Variants in CORIN observed in about 807,000 individuals in gnomAD.
CORIN encodes the protein corin, serine peptidase.
CORIN carries 117 observed loss-of-function variants against 125.3 expected under a neutral mutation model. That is an observed-to-expected ratio of 0.93 (90% CI 0.80 to 1.09). The LOEUF is 1.09. Ranked by LOEUF, CORIN falls within the 50% of genes least tolerant of loss-of-function variation. The pLI, the probability that CORIN is intolerant of heterozygous loss-of-function variation, is 0.00. For synonymous variants in CORIN, 450 were observed against 466.4 expected, an observed-to-expected ratio of 0.96 and a Z score of 0.45; for missense variants, 1,253 against 1,306.7, an observed-to-expected ratio of 0.96 and a Z score of 0.63.
intron 16 of CORIN, among the ~76,000 whole-genome samples, chr4:47,627,360 A>G (rs574357881): frequency 6.6e-6 from 1 of 152,282 alleles, no homozygotes; most frequent in South Asian, 2.1e-4. Flanking sequence ...TCATACTTTT[A>G]AAAAGGCAAG....
chr4:47,782,925 C>T (rs1295893902), intron 3 of CORIN, among the ~76,000 whole-genome samples: 1 of 145,522 alleles, frequency 6.9e-6, no homozygotes, highest in Non-Finnish European at 1.5e-5. Flanking sequence ...GGGAATATGC[C>T]TTTTTTTTTT....
At chr4:47,735,965 A>G (rs1728115340) in intron 5 of CORIN, among the ~76,000 whole-genome samples, 2 of 149,972 alleles carry the variant, frequency 1.3e-5, no homozygotes, top group Admixed American at 1.3e-4. Context: ...AAAAAAAAAA[A>G]GAGGATACTA....
intron 21 of CORIN, 45 bp downstream of exon 21, chr4:47,600,169 G>T: frequency 6.4e-7 from 1 of 1,564,602 alleles, no homozygotes; most frequent in Non-Finnish European, 8.7e-7. Flanking sequence ...ATCCACTGAA[G>T]TTATTGTTGA....
intron 12 of CORIN, 57 bp downstream of exon 12, chr4:47,661,654 G>T: frequency 6.9e-7 from 1 of 1,443,508 alleles, no homozygotes; most frequent in Non-Finnish European, 9.4e-7. Flanking sequence ...AATTCAAAAG[G>T]TAGCTAACAT....
intron 7 of CORIN, 55 bp downstream of exon 7, chr4:47,683,676 G>T: frequency 7.6e-7 from 1 of 1,310,156 alleles, no homozygotes; most frequent in Non-Finnish European, 1.1e-6. Flanking sequence ...TAAGTTTTTG[G>T]TTATAAATTT....
At chr4:47,760,423 T>C (rs532972212) in intron 4 of CORIN, among the ~76,000 whole-genome samples, 1 of 152,198 alleles carries the variant, frequency 6.6e-6, no homozygotes, top group East Asian at 1.9e-4. Flanking sequence ...CCTTTCTCCA[T>C]TGAGTGTTCT....
Position 47,661,684 on chromosome 4 carries a change from C to T in CORIN, c.1735+27G>A, listed in dbSNP as rs372326959. 121 of 1,580,798 alleles carry T rather than the reference C, an allele frequency of 7.7e-5. No homozygotes were observed. The Middle Eastern group carries it at 8.4e-4, about 11-fold the overall frequency. ...TAACATGTTCATCCATGTTAGATAC[C>T]CTGCTGTAATTAATTTTAAAATTAA... On this transcript the variant is annotated intron_variant, in intron 12 of 21. Coordinates refer to ENST00000273857, the MANE Select transcript of CORIN (RefSeq NM_006587.4).
intron 1 of CORIN, among the ~76,000 whole-genome samples, chr4:47,834,045 G>A (rs1733230314): frequency 6.6e-6 from 1 of 152,098 alleles, no homozygotes; most frequent in Admixed American, 6.5e-5. Context: ...TATGATACCA[G>A]CATACAGTAT....
intron 16 of CORIN, among the ~76,000 whole-genome samples, chr4:47,641,116 T>C (rs1419283873): frequency 6.6e-6 from 1 of 152,196 alleles, no homozygotes; most frequent in African/African-American, 2.4e-5. Context: ...AACAAAAATG[T>C]GCTGCTAGTT....
intron 3 of CORIN, among the ~76,000 whole-genome samples, chr4:47,785,693 C>T (rs973141032): frequency 6.6e-6 from 1 of 151,980 alleles, no homozygotes; most frequent in Non-Finnish European, 1.5e-5. Flanking sequence ...GCGGGTGGAT[C>T]ATGAGGTTAG....
Position 47,643,219 on chromosome 4 carries a change from A to G in CORIN, c.1995T>C (p.His665=). The change falls in exon 15 of 22, where the codon CAT becomes CAC. Residue 665 remains histidine, a synonymous_variant. Coordinates refer to ENST00000273857, the MANE Select transcript of CORIN (RefSeq NM_006587.4). ...ACCACAGGTCACGTGACACACACGC[A>G]TGGTTTGCACATTCCAGCTCATCAT... is the stretch of plus-strand genomic sequence containing the variant. The part of the protein sequence containing the change: ...CQDDELECAN[H]ACVSRDLWCD... 1 of 1,613,652 alleles carries G rather than the reference A, an allele frequency of 6.2e-7. No individual in the cohort carries two copies. The highest frequency in any genetic ancestry group is 8.5e-7 in the Non-Finnish European group (1 of 1,179,848).
intron 3 of CORIN, among the ~76,000 whole-genome samples, chr4:47,780,470 C>T (rs947082192): frequency 6.6e-6 from 1 of 151,756 alleles, no homozygotes; most frequent in South Asian, 2.1e-4. Flanking sequence ...AAGAAGAAAT[C>T]AGAGTGAATA....
intron 4 of CORIN, among the ~76,000 whole-genome samples, chr4:47,755,327 T>C (rs1729086769): frequency 6.6e-6 from 1 of 152,220 alleles, no homozygotes; most frequent in Admixed American, 6.5e-5. Flanking sequence ...TTCCATCTCA[T>C]GGCCCAGAAA....
chr4:47,764,294 A>AG (rs1305167393), intron 3 of CORIN, among the ~76,000 whole-genome samples: 1 of 152,216 alleles, frequency 6.6e-6, no homozygotes, highest in Non-Finnish European at 1.5e-5. Flanking sequence ...AGCAGCTCAG[A>AG]GCCTCTGACA....
chr4:47,798,237 G>A (rs746738403), intron 2 of CORIN, among the ~76,000 whole-genome samples: 1 of 152,086 alleles, frequency 6.6e-6, no homozygotes, highest in African/African-American at 2.4e-5. Context: ...TTCAGAAATC[G>A]TTTTACCATC....
At chr4:47,637,363 G>A (rs1277431640) in intron 16 of CORIN, among the ~76,000 whole-genome samples, 2 of 152,132 alleles carry the variant, frequency 1.3e-5, no homozygotes, top group Non-Finnish European at 2.9e-5. Flanking sequence ...CAGAAGTAAC[G>A]AGGAGCAGAA....
At chr4:47,703,919 A>G (rs903392721) in intron 5 of CORIN, among the ~76,000 whole-genome samples, 2 of 152,244 alleles carry the variant, frequency 1.3e-5, no homozygotes, top group Non-Finnish European at 2.9e-5. Flanking sequence ...TGATCAACAC[A>G]CACAGGCATT....
At chr4:47,771,347 C>T (rs548804284) in intron 3 of CORIN, among the ~76,000 whole-genome samples, 122 of 152,176 alleles carry the variant, frequency 8.0e-4, no homozygotes, top group African/African-American at 2.8e-3. Flanking sequence ...GAAAGGATAT[C>T]GTGTACTTAG....
At chr4:47,725,913 A>G (rs1453566584) in intron 5 of CORIN, among the ~76,000 whole-genome samples, 3 of 152,040 alleles carry the variant, frequency 2.0e-5, no homozygotes, top group Admixed American at 6.6e-5. Context: ...ATCAAACAAC[A>G]TCAAACAACC....
Sources: allele counts gnomAD v4.1 joint callset (sites outside exome capture counted in the v4.1 genomes callset), GRCh38; gene constraint gnomAD v4.1.1; transcripts MANE v1.5; gene names NCBI Gene and HGNC (gene_info 2026-07-23, HGNC 2026-07-21).